SLC38A4: variants seen among roughly 807,000 people sequenced by gnomAD.
SLC38A4 encodes solute carrier family 38 member 4.
A neutral mutation model predicts 63.1 loss-of-function variants in SLC38A4; 20 were observed. The ratio of observed to expected loss-of-function variants is 0.32; its 90% CI spans 0.22 to 0.46. The LOEUF (loss-of-function observed/expected upper bound fraction) is 0.46. Among genes scored for constraint, SLC38A4 ranks in the 20% least tolerant of loss-of-function variants. SLC38A4 has a pLI of 1.00. For missense variants in SLC38A4, 526 were observed against 663.6 expected, an observed-to-expected ratio of 0.79 and a Z score of 2.28; for synonymous variants, 230 against 225.5, an observed-to-expected ratio of 1.02 and a Z score of -0.18.
intron 1 of SLC38A4, among the ~76,000 whole-genome samples, chr12:46,815,775 C>T (rs952213534): frequency 6.6e-6 from 1 of 151,932 alleles, no homozygotes; most frequent in Admixed American, 6.6e-5. Context: ...AATTCGTAGG[C>T]CTCCAGGCAA....
chr12:46,801,289 G>A (rs1939127732), intron 2 of SLC38A4, among the ~76,000 whole-genome samples: 2 of 152,028 alleles, frequency 1.3e-5, no homozygotes, highest in African/African-American at 2.4e-5. Flanking sequence ...TTCTTTGGAT[G>A]GGTACCTAAG....
At chr12:46,831,744 G>A (rs1939734180) in intron 1 of SLC38A4, among the ~76,000 whole-genome samples, 1 of 152,204 alleles carries the variant, frequency 6.6e-6, no homozygotes, top group Non-Finnish European at 1.5e-5. Context: ...TCCACCCAGT[G>A]TCCCCGACCT....
rs759290786 is a variant in SLC38A4 at position 46,768,387 on chromosome 12, G to C, written c.1465C>G (p.Leu489Val). ...AAAACTGCTGGAAGAATAAAAATCA[G>C]CATAGTGGCAGAAGAAGCCCCTGAG... ...GFIGASSATM[L>V]IFILPAVFYL... The change falls in exon 16 of 17, where the codon CTG becomes GTG. Residue 489 changes from leucine to valine, a missense_variant. Coordinates refer to ENST00000266579, the MANE Select transcript of SLC38A4 (RefSeq NM_018018.5). 1.2e-6 allele frequency: 2 copies of C among 1,610,448 alleles called. No homozygotes were observed. Among genetic ancestry groups the C allele is most frequent in the Non-Finnish European group, 1.7e-6 (2 of 1,177,960 alleles).
At chr12:46,769,216 G>T in intron 15 of SLC38A4, 68 bp downstream of exon 15, 1 of 1,562,336 alleles carries the variant, frequency 6.4e-7, no homozygotes, top group South Asian at 1.1e-5. Flanking sequence ...CCCAGCACTG[G>T]TTCCCTGTCC....
At chr12:46,791,409 A>G (rs770101940) in intron 3 of SLC38A4, among the ~76,000 whole-genome samples, 10 of 152,200 alleles carry the variant, frequency 6.6e-5, no homozygotes, top group Non-Finnish European at 1.3e-4. Context: ...AGAAAATGCT[A>G]TAATTTACAT....
chr12:46,803,453 G>T (rs1304745279), intron 2 of SLC38A4, 150 bp downstream of exon 2: 1 of 151,874 alleles, frequency 6.6e-6, no homozygotes, highest in South Asian at 2.1e-4. Flanking sequence ...ACATTATACT[G>T]AATTGATCAT....
chr12:46,826,698 G>A (rs940187753), upstream of SLC38A4, among the ~76,000 whole-genome samples: 1 of 152,128 alleles, frequency 6.6e-6, no homozygotes, highest in Non-Finnish European at 1.5e-5. Flanking sequence ...GAAGTTGGAT[G>A]GTAGAGTCAA....
chr12:46,789,679 A>G (rs180436), intron 3 of SLC38A4, among the ~76,000 whole-genome samples: 149,127 of 152,306 alleles, frequency 0.98, 73,080 homozygotes, highest in Middle Eastern at 1. Flanking sequence ...GACTATGTAT[A>G]ATTTTAAAAG....
intron 13 of SLC38A4, among the ~76,000 whole-genome samples, chr12:46,775,987 C>T (rs1169002712): frequency 1.3e-5 from 2 of 151,850 alleles, no homozygotes; most frequent in Non-Finnish European, 2.9e-5. Flanking sequence ...CAATCTAAAG[C>T]ACATGTTTGG....
At chr12:46,789,859 T>C (rs1285125372) in intron 3 of SLC38A4, among the ~76,000 whole-genome samples, 2 of 152,062 alleles carry the variant, frequency 1.3e-5, no homozygotes, top group Non-Finnish European at 2.9e-5. Context: ...GGTGGATAAC[T>C]TGAGGTCAGG....
At chr12:46,781,297 A>AGCGG (rs1483010002) in intron 7 of SLC38A4, among the ~76,000 whole-genome samples, 1 of 152,056 alleles carries the variant, frequency 6.6e-6, no homozygotes, top group African/African-American at 2.4e-5. Context: ...TTTTTACAAT[A>AGCGG]GCGGATGTAC....
chr12:46,800,137 G>A (rs371263824), intron 2 of SLC38A4, among the ~76,000 whole-genome samples: 29 of 152,012 alleles, frequency 1.9e-4, no homozygotes, highest in African/African-American at 5.6e-4. Flanking sequence ...ACCACTCACT[G>A]GGTAGACCTG....
intron 7 of SLC38A4, 85 bp from the exon 8 acceptor site, chr12:46,780,115 A>T (rs1367469784): frequency 1.0e-6 from 1 of 1,003,150 alleles, no homozygotes; most frequent in Non-Finnish European, 1.6e-6. Context: ...GATATGTAAG[A>T]TGAACATCTA....
At chr12:46,788,127 C>A in intron 4 of SLC38A4, 96 bp from the exon 5 acceptor site, 1 of 829,340 alleles carries the variant, frequency 1.2e-6, no homozygotes, top group South Asian at 1.8e-5. Context: ...GATTACAGTC[C>A]AAAATTGAAG....
chr12:46,766,347 G>T lies in SLC38A4; in HGVS notation c.*354C>A, dbSNP rs968304095. 3 of 459,148 alleles carry T rather than the reference G, an allele frequency of 6.5e-6. No homozygotes were observed. The highest frequency in any genetic ancestry group is 6.0e-5 in the African/African-American group (3 of 50,258). The allele number at this position is 459,148 out of a possible 1,614,324, so 28.4% of individuals were successfully genotyped here. Reference sequence around the variant, plus strand: ...GCAAATGTTTGGTACTTTTTTAGGGGGTGCAGGATGAGGAGACGGCAGGGG... The same window carrying T: ...GCAAATGTTTGGTACTTTTTTAGGGTGTGCAGGATGAGGAGACGGCAGGGG... On this transcript the variant is annotated 3_prime_UTR_variant, in exon 17 of 17. Coordinates refer to ENST00000266579, the MANE Select transcript of SLC38A4 (RefSeq NM_018018.5).
chr12:46,772,657 C>A (rs1222139312), intron 14 of SLC38A4, among the ~76,000 whole-genome samples: 1 of 151,984 alleles, frequency 6.6e-6, no homozygotes, highest in Non-Finnish European at 1.5e-5. Context: ...AGTTACTATG[C>A]ACCTTTTACT....
intron 2 of SLC38A4, among the ~76,000 whole-genome samples, chr12:46,802,169 TAGA>T (rs1939144453): frequency 6.6e-6 from 1 of 152,106 alleles, no homozygotes; most frequent in East Asian, 1.9e-4. Context: ...GCTCTGCTCT[TAGA>T]AGAAAACATA....
In SLC38A4 at chr12:46,775,076, T is replaced by C. The variant is rs369105156; in HGVS notation, c.1272A>G (p.Thr424=). 42 of 1,612,750 alleles carry C rather than the reference T, an allele frequency of 2.6e-5. No individual in the cohort carries two copies. Among genetic ancestry groups the C allele is most frequent in the African/African-American group, 4.0e-5 (3 of 74,822 alleles). The change falls in exon 14 of 17, where the codon ACA becomes ACG. Residue 424 remains threonine, a synonymous_variant. Transcript: ENST00000266579. ...GGAAGAGGACAATGGGCACAGTTAG[T>C]GTTACTGCCACAAGGACTGCCAGGC... ...MVRLAVLVAV[T]LTVPIVLFPI...
intron 15 of SLC38A4, 105 bp from the exon 16 acceptor site, chr12:46,768,512 A>G (rs1938344148): frequency 1.5e-6 from 1 of 647,732 alleles, no homozygotes; most frequent in Non-Finnish European, 2.5e-6. Flanking sequence ...GCTATCCTAT[A>G]CTTAGCACTA....
Sources: allele counts gnomAD v4.1 joint callset (sites outside exome capture counted in the v4.1 genomes callset), GRCh38; gene constraint gnomAD v4.1.1; transcripts MANE v1.5; gene names NCBI Gene and HGNC (gene_info 2026-07-23, HGNC 2026-07-21).